Variants in PAPSS2 observed in about 807,000 individuals in gnomAD.
PAPSS2 encodes bifunctional 3'-phosphoadenosine 5'-phosphosulfate synthase 2.
In PAPSS2, 61 loss-of-function variants were observed where a neutral mutation model predicts 66.5. The observed-to-expected ratio is 0.92, with a 90% CI of 0.75 to 1.14. The LOEUF is 1.14. Ranked by LOEUF, PAPSS2 falls within the 50% of genes most tolerant of loss-of-function variation. The pLI, the probability that PAPSS2 is intolerant of heterozygous loss-of-function variation, is 0.00. For missense variants in PAPSS2, 708 were observed against 789.6 expected (o/e 0.90, Z 1.24); for synonymous variants, 289 against 287.5 (o/e 1.01, Z -0.05).
At chr10:87,695,376 T>C (rs1268448808) in intron 1 of PAPSS2, among the ~76,000 whole-genome samples, 1 of 152,204 alleles carries the variant, frequency 6.6e-6, no homozygotes, top group African/African-American at 2.4e-5. Flanking sequence ...TTAGGCATTA[T>C]GTTTTTCACA....
At chr10:87,700,815 G>T (rs902875289) in intron 1 of PAPSS2, among the ~76,000 whole-genome samples, 4 of 151,818 alleles carry the variant, frequency 2.6e-5, no homozygotes, top group Non-Finnish European at 5.9e-5. Flanking sequence ...ACTACCAAAA[G>T]ATATCCAAAG....
intron 1 of PAPSS2, chr10:87,661,137 G>A: frequency 2.9e-6 from 1 of 343,886 alleles, no homozygotes. Flanking sequence ...GCCGGGGAGA[G>A]GTTTAAAAAA....
chr10:87,739,376 G>T (rs1006780963), intron 9 of PAPSS2, among the ~76,000 whole-genome samples: 1 of 152,178 alleles, frequency 6.6e-6, no homozygotes, highest in East Asian at 1.9e-4. Context: ...GCTACATTTT[G>T]CTGCGCTTTG....
chr10:87,673,778 G>T (rs1852911125), intron 1 of PAPSS2, among the ~76,000 whole-genome samples: 1 of 105,220 alleles, frequency 9.5e-6, no homozygotes. Flanking sequence ...CCTTTTTCTT[G>T]TCCACTTCTG....
intron 4 of PAPSS2, among the ~76,000 whole-genome samples, 156 bp from the exon 5 acceptor site, chr10:87,714,585 TCTTA>T (rs1264804114): frequency 1.3e-5 from 2 of 152,250 alleles, no homozygotes; most frequent in African/African-American, 2.4e-5. Context: ...CTATATATTT[TCTTA>T]CTTATGGCTA....
At chr10:87,697,601 C>A (rs146615451) in intron 1 of PAPSS2, among the ~76,000 whole-genome samples, 1 of 152,116 alleles carries the variant, frequency 6.6e-6, no homozygotes, top group African/African-American at 2.4e-5. Context: ...CACTAAGAGG[C>A]GGCAGTCCAA....
chr10:87,710,587 C>G (rs1255687776), intron 2 of PAPSS2, among the ~76,000 whole-genome samples: 1 of 152,096 alleles, frequency 6.6e-6, no homozygotes, highest in Non-Finnish European at 1.5e-5. Flanking sequence ...TGTGACACCC[C>G]TTGAAAAGAA....
intron 1 of PAPSS2, among the ~76,000 whole-genome samples, chr10:87,695,003 A>G (rs77718643): frequency 0.025 from 3,803 of 152,338 alleles, 166 homozygotes; most frequent in African/African-American, 0.085. Context: ...CTAGAAGGAA[A>G]GCATAGTCAC....
intron 1 of PAPSS2, among the ~76,000 whole-genome samples, chr10:87,688,602 G>T (rs1705367675): frequency 6.6e-6 from 1 of 151,826 alleles, no homozygotes; most frequent in South Asian, 2.1e-4. Context: ...TGGGACTACA[G>T]GCGCCCGCCA....
At position 87,714,105 on chromosome 10, in the gene PAPSS2, T is replaced by A; in HGVS notation, c.443T>A (p.Val148Glu). ...SAGLPFFEIFVDAPLNICESR... is the reference protein window; with the variant it reads ...SAGLPFFEIFEDAPLNICESR... ...GGGCTGCCATTCTTTGAAATATTTGTAGATGCACCTCTAAATATTTGTGAA... is the reference window on the plus strand; with the variant it reads ...GGGCTGCCATTCTTTGAAATATTTGAAGATGCACCTCTAAATATTTGTGAA... Residue 148 changes from valine (V) to glutamate (E), a missense_variant, in exon 4 of 13, where the codon GTA becomes GAA. By Grantham distance (121) the Val-to-Glu change is moderately radical. Coordinates refer to ENST00000456849, the MANE Select transcript of PAPSS2 (RefSeq NM_001015880.2). The A allele has an allele frequency of 6.2e-7, 1 of 1,613,670 alleles. No individual in the cohort carries two copies. The highest frequency in any genetic ancestry group is 2.2e-5 in the East Asian group (1 of 44,880).
intron 1 of PAPSS2, among the ~76,000 whole-genome samples, chr10:87,699,912 T>C (rs1325901619): frequency 6.6e-6 from 1 of 151,946 alleles, no homozygotes; most frequent in Admixed American, 6.6e-5. Flanking sequence ...AATTTAATAT[T>C]GAAAACTAGA....
intron 9 of PAPSS2, among the ~76,000 whole-genome samples, chr10:87,733,304 G>A (rs1853752125): frequency 1.3e-5 from 2 of 152,198 alleles, no homozygotes; most frequent in Admixed American, 6.5e-5. Context: ...GTATAGAACC[G>A]TGTGACATGC....
intron 1 of PAPSS2, among the ~76,000 whole-genome samples, chr10:87,689,690 A>G (rs1332096895): frequency 3.3e-5 from 5 of 151,614 alleles, no homozygotes; most frequent in African/African-American, 7.2e-5. Flanking sequence ...AAAGAAAAAA[A>G]AAAAGAACTG....
chr10:87,707,431 C>G (rs908721443), intron 1 of PAPSS2, among the ~76,000 whole-genome samples: 1 of 152,094 alleles, frequency 6.6e-6, no homozygotes, highest in Non-Finnish European at 1.5e-5. Flanking sequence ...GAGAACTTTG[C>G]CATTTGCATG....
intron 1 of PAPSS2, among the ~76,000 whole-genome samples, chr10:87,667,465 A>G (rs1852828388): frequency 6.6e-6 from 1 of 152,192 alleles, no homozygotes; most frequent in African/African-American, 2.4e-5. Context: ...AACCTCAACA[A>G]AACAAACAAA....
At chr10:87,709,430 G>A (rs1179406578) in intron 2 of PAPSS2, 117 bp downstream of exon 2, 2 of 651,956 alleles carry the variant, frequency 3.1e-6, no homozygotes, top group East Asian at 3.0e-5. Flanking sequence ...AAGGAGGCTG[G>A]GAGATGTAGT....
At chr10:87,720,290 A>AG (rs1377773375) in intron 7 of PAPSS2, among the ~76,000 whole-genome samples, 1 of 152,176 alleles carries the variant, frequency 6.6e-6, no homozygotes, top group East Asian at 1.9e-4. Context: ...AGAAGGGAGT[A>AG]GGGGCTTGGG....
chr10:87,743,520 A>T lies in PAPSS2; in HGVS notation c.1370A>T (p.Asp457Val). 1 of 1,614,136 alleles carries T rather than the reference A, an allele frequency of 6.2e-7. No individual in the cohort carries two copies. The highest frequency in any genetic ancestry group is 1.1e-5 in the South Asian group (1 of 91,080). The change falls in exon 11 of 13, where the codon GAT (aspartate) becomes GTT (valine). Residue 457 changes from aspartate (D) to valine (V), a missense_variant. Asp to Val is a radical substitution (Grantham distance 152). Transcript: ENST00000456849. ...HPLGGWTKDD[D>V]VPLDWRMKQH... ...CTGGGCGGCTGGACCAAGGATGACG[A>T]TGTGCCTCTAGACTGGCGGATGAAG...
rs749811014 is a variant in PAPSS2 at position 87,673,689 on chromosome 10, C to CCT, written c.27+13681_27+13682insCT. Among the ~76,000 whole-genome samples the CCT allele has an allele frequency of 5.4e-3, 367 of 67,440 alleles. 5 individuals carry two copies. Among genetic ancestry groups the CCT allele is most frequent in the African/African-American group, 0.019 (353 of 18,796 alleles). The allele number at this position is 67,440 out of a possible 152,430, so 44.2% of individuals were successfully genotyped here. ...AGCTCAGAAGTGAATTTTTGGCTTACTTTTTTTTTTTTTTTTTTTTTTTTT... is the reference window on the plus strand; with the variant it reads ...AGCTCAGAAGTGAATTTTTGGCTTACCTTTTTTTTTTTTTTTTTTTTTTTTTT... On this transcript the variant is annotated intron_variant, in intron 1 of 12. Transcript: ENST00000456849.
Sources: allele counts gnomAD v4.1 joint callset (sites outside exome capture counted in the v4.1 genomes callset), GRCh38; gene constraint gnomAD v4.1.1; transcripts MANE v1.5; gene names NCBI Gene and HGNC (gene_info 2026-07-23, HGNC 2026-07-21).